SEMA3E: variants seen among roughly 807,000 people sequenced by gnomAD.
SEMA3E encodes the protein semaphorin 3E.
Under a neutral mutation model 93.6 loss-of-function variants are expected in SEMA3E, and 49 were observed. The observed-to-expected ratio is 0.52, with a 90% CI of 0.42 to 0.66. The LOEUF (loss-of-function observed/expected upper bound fraction) is 0.66, where lower values mean the gene tolerates loss of function less well. SEMA3E is among the 30% of genes least tolerant of loss of function. SEMA3E has a pLI of 0.00. For synonymous variants in SEMA3E, 363 were observed against 330.7 expected (o/e 1.10, Z -1.06); for missense variants, 906 against 964.8 (o/e 0.94, Z 0.81).
At position 83,385,445 on chromosome 7, in the gene SEMA3E, A is replaced by G; in HGVS notation, c.1736-12T>C. The G allele has an allele frequency of 6.2e-7, 1 of 1,612,898 alleles. No homozygotes were observed. On this transcript the variant is annotated splice_polypyrimidine_tract_variant and intron_variant, in intron 15 of 16. Transcript: ENST00000643230. ...ATCCAAAGCATCCCCTACAACAGGA[A>G]CATTAATGCCATCTTTGAGACTTAG...
In SEMA3E at chr7:83,366,886, TTC is replaced by T. The variant is rs1328841133; in HGVS notation, c.*698_*699del. 6.6e-6 allele frequency: 1 copy of T among 152,212 alleles called. No homozygotes were observed. The highest frequency in any genetic ancestry group is 1.5e-5 in the Non-Finnish European group (1 of 68,016). The allele number at this position is 152,212 out of a possible 1,614,324, so 9.4% of individuals were successfully genotyped here. On this transcript the variant is annotated 3_prime_UTR_variant, in exon 17 of 17. Coordinates refer to ENST00000643230, the MANE Select transcript of SEMA3E (RefSeq NM_012431.3). ...ATAACTTCATCTGATTTGACATTCT[TTC>T]TGAGATTTGATATCTTTCTGAGAAG...
At chr7:83,464,063 A>C (rs28819733) in intron 4 of SEMA3E, among the ~76,000 whole-genome samples, 15,022 of 152,100 alleles carry the variant, frequency 0.099, 1,545 homozygotes, top group African/African-American at 0.26. Context: ...ATACAGTCTG[A>C]TAACAGATGA....
At chr7:83,436,353 G>T (rs10447885) in intron 4 of SEMA3E, among the ~76,000 whole-genome samples, 1 of 69,782 alleles carries the variant, frequency 1.4e-5, no homozygotes, top group Non-Finnish European at 3.3e-5. Flanking sequence ...ATAGAAATAA[G>T]AATGAGAATA....
Position 83,385,304 on chromosome 7 carries a change from C to T in SEMA3E, c.1865G>A (p.Arg622Lys). ...GCAGCTATGAATTACCTCCTCTTTT[C>T]TTGTCTCACGTCCTTTCTGTACAAA... ...IWFVQKGRET[R>K]KEEVKTDDRV... Residue 622 changes from arginine (R) to lysine (K), a missense_variant, in exon 16 of 17, where the codon AGA becomes AAA. Transcript: ENST00000643230. The T allele has an allele frequency of 6.2e-7, 1 of 1,613,222 alleles. No individual in the cohort carries two copies. Among genetic ancestry groups the T allele is most frequent in the Non-Finnish European group, 8.5e-7 (1 of 1,179,420 alleles).
In SEMA3E at chr7:83,363,860, A is replaced by ATTTTTTT. The variant is rs56867715; in HGVS notation, c.*3719_*3725dup. On this transcript the variant is annotated 3_prime_UTR_variant, in exon 17 of 17. Coordinates refer to ENST00000643230, the MANE Select transcript of SEMA3E (RefSeq NM_012431.3). ...GGCTACAGGTGTCACAGGTCAATTC[A>ATTTTTTT]TTTTTTTTTTTTTTTTTTTTTTTTT... The ATTTTTTT allele has an allele frequency of 1.6e-4, 12 of 76,964 alleles. No homozygotes were observed. Among genetic ancestry groups the ATTTTTTT allele is most frequent in the African/African-American group, 6.0e-4 (12 of 20,108 alleles). The allele number at this position is 76,964 out of a possible 1,614,324, so 4.8% of individuals were successfully genotyped here. A position where few individuals can be genotyped will look rare whatever the true frequency, so the allele number is the denominator to read the frequency against.
intron 1 of SEMA3E, among the ~76,000 whole-genome samples, chr7:83,496,909 T>C (rs1472685935): frequency 6.6e-6 from 1 of 152,132 alleles, no homozygotes; most frequent in Non-Finnish European, 1.5e-5. Context: ...AGTGAAATAA[T>C]GGACAGTGCT....
At chr7:83,425,369 A>C (rs1788749271) in intron 4 of SEMA3E, among the ~76,000 whole-genome samples, 1 of 152,084 alleles carries the variant, frequency 6.6e-6, no homozygotes, top group Non-Finnish European at 1.5e-5. Context: ...CCTTTCTTCA[A>C]TATTTGACAC....
chr7:83,538,447 A>G (rs1365045728), intron 1 of SEMA3E, among the ~76,000 whole-genome samples: 1 of 152,122 alleles, frequency 6.6e-6, no homozygotes, highest in Non-Finnish European at 1.5e-5. Context: ...TATGTTGAGC[A>G]TCTTTTCATG....
intron 4 of SEMA3E, among the ~76,000 whole-genome samples, chr7:83,449,979 C>A (rs1003630514): frequency 2.0e-5 from 3 of 152,116 alleles, no homozygotes; most frequent in Non-Finnish European, 2.9e-5. Flanking sequence ...TCTTAAATGG[C>A]AAACTGAAGA....
chr7:83,414,148 T>G (rs1033183034), intron 5 of SEMA3E, among the ~76,000 whole-genome samples: 1 of 152,158 alleles, frequency 6.6e-6, no homozygotes. Flanking sequence ...AAGTCTATGT[T>G]TCTATATAGT....
chr7:83,482,923 G>GC (rs35478144), intron 2 of SEMA3E, among the ~76,000 whole-genome samples: 1 of 860 alleles, frequency 1.2e-3, no homozygotes, highest in Non-Finnish European at 3.4e-3. Context: ...ATGAAAAAGA[G>GC]AAATGGTCTG....
At chr7:83,582,616 G>A (rs897700015) in intron 1 of SEMA3E, among the ~76,000 whole-genome samples, 2 of 152,002 alleles carry the variant, frequency 1.3e-5, no homozygotes, top group East Asian at 1.9e-4. Context: ...CACAGACCAG[G>A]AAAATAATGA....
chr7:83,582,154 C>T (rs2115912485), intron 1 of SEMA3E, among the ~76,000 whole-genome samples: 1 of 150,076 alleles, frequency 6.7e-6, no homozygotes, highest in South Asian at 2.1e-4. Flanking sequence ...CTATAATAAA[C>T]TAGTAATTTT....
At chr7:83,505,944 A>G (rs1000107322) in intron 1 of SEMA3E, among the ~76,000 whole-genome samples, 2 of 149,404 alleles carry the variant, frequency 1.3e-5, no homozygotes, top group African/African-American at 4.9e-5. Context: ...GAACCTGGGA[A>G]GCGGAGCTTG....
chr7:83,569,831 A>C (rs988583081), intron 1 of SEMA3E, among the ~76,000 whole-genome samples: 1 of 152,148 alleles, frequency 6.6e-6, no homozygotes, highest in Admixed American at 6.6e-5. Flanking sequence ...GAAAACTAAC[A>C]AAGACATTCT....
intron 16 of SEMA3E, among the ~76,000 whole-genome samples, chr7:83,379,166 C>G (rs1338539675): frequency 6.6e-6 from 1 of 151,672 alleles, no homozygotes; most frequent in African/African-American, 2.4e-5. Context: ...ATACTGCACT[C>G]TCACTTATAA....
intron 1 of SEMA3E, among the ~76,000 whole-genome samples, chr7:83,515,009 C>T (rs1790897900): frequency 6.6e-6 from 1 of 152,118 alleles, no homozygotes; most frequent in African/African-American, 2.4e-5. Context: ...ATTTTCTCCT[C>T]CTCCTTGAAA....
intron 4 of SEMA3E, among the ~76,000 whole-genome samples, chr7:83,438,096 G>GA (rs1239861549): frequency 6.6e-6 from 1 of 152,028 alleles, no homozygotes; most frequent in Non-Finnish European, 1.5e-5. Context: ...TTAATTCTTT[G>GA]AAAAAATAGC....
At chr7:83,442,039 C>T (rs1789124991) in intron 4 of SEMA3E, among the ~76,000 whole-genome samples, 1 of 152,116 alleles carries the variant, frequency 6.6e-6, no homozygotes, top group Admixed American at 6.5e-5. Context: ...ATTAAATCTA[C>T]ATATTATGGA....
Sources: gnomAD v4.1 joint callset for allele counts (sites outside exome capture counted in the v4.1 genomes callset) on GRCh38, gnomAD v4.1.1 for gene constraint, MANE v1.5 for transcripts, NCBI Gene and HGNC (gene_info 2026-07-23, HGNC 2026-07-21) for gene names.